The following NOLC1 variants were observed in gnomAD, a reference collection of about 807,000 sequenced individuals.
NOLC1 encodes nucleolar and coiled-body phosphoprotein 1, also known as 140 kDa nucleolar phosphoprotein.
A neutral mutation model predicts 73.4 loss-of-function variants in NOLC1; 37 were observed. That is an observed-to-expected ratio of 0.50 (90% confidence interval 0.39 to 0.66). The LOEUF (loss-of-function observed/expected upper bound fraction) is 0.66, where lower values mean the gene tolerates loss of function less well. Ranked by LOEUF, NOLC1 falls within the 30% of genes least tolerant of loss-of-function variation. The pLI is 0.00. For synonymous variants in NOLC1, 327 were observed against 302.6 expected, an observed-to-expected ratio of 1.08 and a Z score of -0.84; for missense variants, 921 against 838.9, an observed-to-expected ratio of 1.10 and a Z score of -1.21.
chr10:102,155,390 AAAAG>A (rs546610611), intron 1 of NOLC1, among the ~76,000 whole-genome samples: 25 of 152,036 alleles, frequency 1.6e-4, no homozygotes, highest in South Asian at 4.1e-4. Flanking sequence ...CAAAAAAAAA[AAAAG>A]AGAGAGAGAG....
Position 102,160,794 on chromosome 10 carries a change from A to C in NOLC1, c.1442A>C (p.Glu481Ala), listed in dbSNP as rs2069693921. 6.2e-7 allele frequency: 1 copy of C among 1,614,256 alleles called. No homozygotes were observed. Among genetic ancestry groups the C allele is most frequent in the South Asian group, 1.1e-5 (1 of 91,092 alleles). ...SDSDSSSSEE[E>A]EEKTSKSAVK... is the part of the protein sequence containing the mutation. The stretch of plus-strand genomic sequence containing the variant: ...TCAGACAGCTCCAGCAGTGAGGAGG[A>C]GGAAGAGAAGACATCTAAGTCTGCA... The change falls in exon 10 of 13, where the codon GAG becomes GCG. Residue 481 changes from glutamate (E) to alanine (A), a missense_variant. Physicochemically the swap from Glu to Ala is moderately radical, Grantham distance 107 (BLOSUM62 -1). Transcript: ENST00000605788.
rs913785513 is a variant in NOLC1 at position 102,162,689 on chromosome 10, A to G, written c.*420A>G. On this transcript the variant is annotated 3_prime_UTR_variant, in exon 13 of 13. Coordinates refer to ENST00000605788, the MANE Select transcript of NOLC1 (RefSeq NM_004741.5). ...AGTAAAGGGTCACGTGTGACTTTTT[A>G]TAATAGGAAGAAAATTCTGCCTTTG... The G allele has an allele frequency of 1.3e-5, 2 of 154,432 alleles. No homozygotes were observed. The highest frequency in any genetic ancestry group is 4.8e-5 in the African/African-American group (2 of 41,494). The allele number at this position is 154,432 out of a possible 1,614,324, so 9.6% of individuals were successfully genotyped here. A position where few individuals can be genotyped will look rare whatever the true frequency, so the allele number is the denominator to read the frequency against.
chr10:102,159,418 T>C lies in NOLC1; in HGVS notation c.724-15T>C. The stretch of plus-strand genomic sequence containing the variant: ...CAGCATTTTCCTGTGGTAATCAATT[T>C]TCTTTCTAATGCAGACTGTACCTAA... On this transcript the variant is annotated splice_polypyrimidine_tract_variant and intron_variant, in intron 6 of 12. Transcript: ENST00000605788. The C allele has an allele frequency of 6.2e-7, 1 of 1,613,980 alleles. No homozygotes were observed. The highest frequency in any genetic ancestry group is 1.3e-5 in the African/African-American group (1 of 75,042).
chr10:102,159,949 G>C lies in NOLC1; in HGVS notation c.913G>C (p.Gly305Arg), dbSNP rs755025136. 10 of 1,610,188 alleles carry C rather than the reference G, an allele frequency of 6.2e-6. No individual in the cohort carries two copies. The highest frequency in any genetic ancestry group is 7.6e-6 in the Non-Finnish European group (9 of 1,178,190). ...TGCTCCCCCACCAAAGAAGTCTCTG[G>C]GAACCCAGCCTCCCAAGAAGGCTGT... is the stretch of plus-strand genomic sequence containing the variant. Reference protein sequence around the residue: ...PSAPPPKKSLGTQPPKKAVEK... With the variant: ...PSAPPPKKSLRTQPPKKAVEK... The change falls in exon 8 of 13, where the codon GGA becomes CGA. Residue 305 changes from glycine (G) to arginine (R), a missense_variant. Gly to Arg is a moderately radical substitution (Grantham distance 125). Coordinates refer to ENST00000605788, the MANE Select transcript of NOLC1 (RefSeq NM_004741.5).
rs1242352135 is a variant in NOLC1, at chr10:102,158,180, A to C, written c.573A>C (p.Thr191=). The C allele has an allele frequency of 2.5e-6, 4 of 1,614,190 alleles. No individual in the cohort carries two copies. The highest frequency in any genetic ancestry group is 3.4e-6 in the Non-Finnish European group (4 of 1,180,012). Reference sequence around the variant, plus strand: ...AGAAGCCAAAGATAACACCTGTGACAGTTAAAGCTCAGACTAAAGCCCCTC... The same window carrying C: ...AGAAGCCAAAGATAACACCTGTGACCGTTAAAGCTCAGACTAAAGCCCCTC... The part of the protein sequence containing the change: ...KNQKPKITPV[T]VKAQTKAPPK... The change falls in exon 5 of 13, where the codon ACA becomes ACC. Residue 191 remains threonine, a synonymous_variant. Coordinates refer to ENST00000605788, the MANE Select transcript of NOLC1 (RefSeq NM_004741.5).
intron 5 of NOLC1, among the ~76,000 whole-genome samples, chr10:102,158,524 CTATT>C (rs2069640318): frequency 6.6e-6 from 1 of 152,024 alleles, no homozygotes; most frequent in East Asian, 1.9e-4. Flanking sequence ...ACTTAAATAT[CTATT>C]TGTTGTGCTT....
intron 4 of NOLC1, 144 bp from the exon 5 acceptor site, chr10:102,157,904 TG>T (rs1344488003): frequency 2.8e-6 from 2 of 719,686 alleles, no homozygotes; most frequent in Non-Finnish European, 4.5e-6. Context: ...TGAACTTTGT[TG>T]TTTTTTGCCC....
At position 102,158,620 on chromosome 10, in the gene NOLC1, G is replaced by A. The variant is rs554880399; in HGVS notation, c.607+406G>A. Among the ~76,000 whole-genome samples the A allele has an allele frequency of 2.6e-5, 4 of 152,230 alleles. No individual in the cohort carries two copies. The South Asian group carries it at 8.3e-4, about 32-fold the overall frequency. Reference sequence around the variant, plus strand: ...TTTTTTTCTGTAACTTGTGATGAGGGTTAGGTTATTTCTCTGAATGGAGGT... The same window carrying A: ...TTTTTTTCTGTAACTTGTGATGAGGATTAGGTTATTTCTCTGAATGGAGGT... On this transcript the variant is annotated intron_variant, in intron 5 of 12. Transcript: ENST00000605788.
chr10:102,154,286 T>C (rs1055808433), intron 1 of NOLC1, among the ~76,000 whole-genome samples: 23 of 149,230 alleles, frequency 1.5e-4, no homozygotes, highest in Non-Finnish European at 2.8e-4. Context: ...GGTTTCACCA[T>C]GTTGGCCAGG....
At chr10:102,160,112 G>A in intron 8 of NOLC1, 88 bp downstream of exon 8, 1 of 1,588,032 alleles carries the variant, frequency 6.3e-7, no homozygotes, top group Non-Finnish European at 8.6e-7. Flanking sequence ...CCATCCTTCG[G>A]TTGCTTTTTG....
rs1413856734 is a variant in NOLC1, at chr10:102,161,578, G to C, written c.1764G>C (p.Gln588His). 1.9e-6 allele frequency: 3 copies of C among 1,614,026 alleles called. No individual in the cohort carries two copies. The highest frequency in any genetic ancestry group is 2.5e-6 in the Non-Finnish European group (3 of 1,179,926). Reference protein sequence around the residue: ...SKSGSLKKRKQNEAAKEAETP... With the variant: ...SKSGSLKKRKHNEAAKEAETP... ...TAGGTTCATTAAAGAAGCGGAAGCA[G>C]AATGAGGCTGCCAAGGAGGCAGAGA... The change falls in exon 11 of 13, where the codon CAG (glutamine) becomes CAC (histidine). Residue 588 changes from glutamine (Q) to histidine (H), a missense_variant. By Grantham distance (24) the Gln-to-His change is conservative. Coordinates refer to ENST00000605788, the MANE Select transcript of NOLC1 (RefSeq NM_004741.5).
rs1178645363 is a variant in NOLC1 at position 102,161,005 on chromosome 10, A to G, written c.1653A>G (p.Ala551=). 5 of 1,614,016 alleles carry G rather than the reference A, an allele frequency of 3.1e-6. No individual in the cohort carries two copies. Among genetic ancestry groups the G allele is most frequent in the Non-Finnish European group, 4.2e-6 (5 of 1,180,034 alleles). The change falls in exon 10 of 13, where the codon GCA becomes GCG. Residue 551 remains alanine, a synonymous_variant. Transcript: ENST00000605788. ...CCCCCAAGGCCAATGGCACCTCTGC[A>G]CTGACTGCCCAGAATGGAAAAGCAG... ...PQAPKANGTS[A]LTAQNGKAAK... is the part of the protein sequence containing the mutation.
chr10:102,158,398 TAGAG>T (rs1453341143), intron 5 of NOLC1, among the ~76,000 whole-genome samples, 184 bp downstream of exon 5: 5 of 152,204 alleles, frequency 3.3e-5, no homozygotes, highest in Non-Finnish European at 7.3e-5. Context: ...AGCTAGTAAA[TAGAG>T]AAAGTTATTG....
chr10:102,161,585 G>A lies in NOLC1; in HGVS notation c.1771G>A (p.Ala591Thr). The A allele has an allele frequency of 6.2e-7, 1 of 1,613,944 alleles. No individual in the cohort carries two copies. The highest frequency in any genetic ancestry group is 8.5e-7 in the Non-Finnish European group (1 of 1,179,880). The change falls in exon 11 of 13, where the codon GCT becomes ACT. Residue 591 changes from alanine (A) to threonine (T), a missense_variant. By Grantham distance (58) the Ala-to-Thr change is moderately conservative. Transcript: ENST00000605788. ...ATTAAAGAAGCGGAAGCAGAATGAGGCTGCCAAGGAGGCAGAGACTCCTCA... is the reference window on the plus strand; with the variant it reads ...ATTAAAGAAGCGGAAGCAGAATGAGACTGCCAAGGAGGCAGAGACTCCTCA... Reference protein sequence around the residue: ...GSLKKRKQNEAAKEAETPQAK... With the variant: ...GSLKKRKQNETAKEAETPQAK...
At chr10:102,159,347 G>T in intron 6 of NOLC1, 39 bp downstream of exon 6, 1 of 1,613,886 alleles carries the variant, frequency 6.2e-7, no homozygotes, top group Non-Finnish European at 8.5e-7. Context: ...AGGTGACCAG[G>T]GTGTGATGTG....
chr10:102,161,990 G>C, intron 12 of NOLC1, 65 bp downstream of exon 12: 1 of 1,600,994 alleles, frequency 6.2e-7, no homozygotes, highest in Non-Finnish European at 8.6e-7. Flanking sequence ...GACAATTCTT[G>C]GTTCAGGTTG....
At position 102,161,974 on chromosome 10, in the gene NOLC1, A is replaced by G. The variant is rs761815609; in HGVS notation, c.1941+49A>G. The G allele has an allele frequency of 2.5e-6, 4 of 1,603,462 alleles. No individual in the cohort carries two copies. The African/African-American group carries it at 4.0e-5, about 16-fold the overall frequency. On this transcript the variant is annotated intron_variant, in intron 12 of 12. Coordinates refer to ENST00000605788, the MANE Select transcript of NOLC1 (RefSeq NM_004741.5). ...CTTGGGAGGGAGGATGGGTAGTGTC[A>G]GAGAGGACAATTCTTGGTTCAGGTT...
At chr10:102,152,784 G>T (rs947199748) in intron 1 of NOLC1, among the ~76,000 whole-genome samples, 34 of 152,340 alleles carry the variant, frequency 2.2e-4, no homozygotes, top group Non-Finnish European at 4.3e-4. Flanking sequence ...CAGCGTGGGA[G>T]CCTCGTGGCC....
rs1282661037 is a variant in NOLC1 at position 102,159,174 on chromosome 10, T to G, written c.608-19T>G. 1 of 1,613,288 alleles carries G rather than the reference T, an allele frequency of 6.2e-7. No homozygotes were observed. The highest frequency in any genetic ancestry group is 1.7e-5 in the Admixed American group (1 of 59,964). On this transcript the variant is annotated intron_variant, in intron 5 of 12. Coordinates refer to ENST00000605788, the MANE Select transcript of NOLC1 (RefSeq NM_004741.5). ...TTGCCCTAATACTCCTTACTCTTTC[T>G]TTTTCTTGGGTATTCCAGCTCGAGC...
Sources: allele counts gnomAD v4.1 joint callset (sites outside exome capture counted in the v4.1 genomes callset), GRCh38; gene constraint gnomAD v4.1.1; transcripts MANE v1.5; gene names NCBI Gene and HGNC (gene_info 2026-07-23, HGNC 2026-07-21).